Variants in ASCC3 observed in about 807,000 individuals in gnomAD.
ASCC3 encodes ASC-1 complex subunit P200.
ASCC3 carries 158 observed loss-of-function variants against 256.3 expected under a neutral mutation model. That is an observed-to-expected ratio of 0.62 (90% confidence interval 0.54 to 0.70). The LOEUF is 0.70. Ranked by LOEUF, ASCC3 falls within the 30% of genes least tolerant of loss-of-function variation. ASCC3 has a pLI of 0.00. For missense variants in ASCC3, 2,259 were observed against 2,626.0 expected (o/e 0.86, Z 3.05); for synonymous variants, 948 against 883.4 (o/e 1.07, Z -1.30).
intron 10 of ASCC3, among the ~76,000 whole-genome samples, chr6:100,742,829 G>A: frequency 6.6e-6 from 1 of 152,204 alleles, no homozygotes; most frequent in Non-Finnish European, 1.5e-5. Context: ...GTTGCCATTG[G>A]CTGGCTGGAA....
chr6:100,875,435 C>T (rs1484475169), intron 1 of ASCC3, among the ~76,000 whole-genome samples: 1 of 152,152 alleles, frequency 6.6e-6, no homozygotes, highest in African/African-American at 2.4e-5. Flanking sequence ...GGCTGGAAAT[C>T]CAGAATTTCA....
intron 36 of ASCC3, among the ~76,000 whole-genome samples, chr6:100,564,960 T>C (rs1278000742): frequency 2.6e-5 from 4 of 152,182 alleles, no homozygotes; most frequent in Non-Finnish European, 5.9e-5. Flanking sequence ...ACAAAAAGGC[T>C]TATTCTTGAA....
chr6:100,698,530 A>AATAC (rs1778193070), intron 13 of ASCC3, among the ~76,000 whole-genome samples: 1 of 152,260 alleles, frequency 6.6e-6, no homozygotes, highest in African/African-American at 2.4e-5. Flanking sequence ...CTAACTTAAA[A>AATAC]TAACTGGTGA....
chr6:100,684,593 G>A (rs1205505548), intron 13 of ASCC3, among the ~76,000 whole-genome samples: 1 of 151,888 alleles, frequency 6.6e-6, no homozygotes, highest in African/African-American at 2.4e-5. Context: ...AGATTAAACA[G>A]ACCAGTATAC....
intron 24 of ASCC3, among the ~76,000 whole-genome samples, chr6:100,639,935 C>T (rs538941211): frequency 1.3e-5 from 2 of 151,974 alleles, no homozygotes; most frequent in East Asian, 1.9e-4. Flanking sequence ...GCCAACATGG[C>T]AAAACCCCAT....
In ASCC3 at chr6:100,782,594, T is replaced by C. The variant is rs148406959; in HGVS notation, c.1396-15249A>G. Among the ~76,000 whole-genome samples, 7 of 152,322 alleles carry C rather than the reference T, an allele frequency of 4.6e-5. No individual in the cohort carries two copies. The East Asian group carries it at 1.2e-3, about 25-fold the overall frequency. The stretch of plus-strand genomic sequence containing the variant: ...ACTTACACATGTGCAAAATTGTGTA[T>C]GCATAAGATTATTTATCACAAATTA... On this transcript the variant is annotated intron_variant, in intron 8 of 41. Coordinates refer to ENST00000369162, the MANE Select transcript of ASCC3 (RefSeq NM_006828.4).
intron 36 of ASCC3, among the ~76,000 whole-genome samples, chr6:100,542,677 T>A (rs1775518648): frequency 6.7e-6 from 1 of 149,066 alleles, no homozygotes; most frequent in Non-Finnish European, 1.5e-5. Context: ...CAAGACTCCG[T>A]CAAAAAAAAA....
intron 16 of ASCC3, among the ~76,000 whole-genome samples, chr6:100,659,575 A>C (rs958805263): frequency 6.6e-6 from 1 of 151,458 alleles, no homozygotes; most frequent in African/African-American, 2.4e-5. Flanking sequence ...TACTTTATAA[A>C]TATTTGATAA....
rs546035612 is a variant in ASCC3 at position 100,849,050 on chromosome 6, G to A, written c.242-343C>T. On this transcript the variant is annotated intron_variant, in intron 3 of 41. Coordinates refer to ENST00000369162, the MANE Select transcript of ASCC3 (RefSeq NM_006828.4). ...GAGCCTGGAAGGTTGGGGCTGCAGC[G>A]AGCCATGATTGTGTCACTGTACTCA... is the stretch of plus-strand genomic sequence containing the variant. 5.3e-5 allele frequency among the ~76,000 whole-genome samples: 8 copies of A among 152,224 alleles called. No homozygotes were observed. In the East Asian group the frequency reaches 7.7e-4, roughly 15 times the overall value.
At chr6:100,767,107 T>C (rs1226964736) in intron 9 of ASCC3, 38 bp downstream of exon 9, 6 of 1,590,710 alleles carry the variant, frequency 3.8e-6, no homozygotes, top group Non-Finnish European at 5.2e-6. Flanking sequence ...TTTTATTCCT[T>C]ACAATTTAAA....
chr6:100,809,022 G>A (rs1770326041), intron 4 of ASCC3, among the ~76,000 whole-genome samples: 1 of 151,870 alleles, frequency 6.6e-6, no homozygotes, highest in Non-Finnish European at 1.5e-5. Context: ...ACTTGAAAGA[G>A]CACTTACTAT....
intron 36 of ASCC3, among the ~76,000 whole-genome samples, chr6:100,587,508 G>T (rs1771762107): frequency 6.6e-6 from 1 of 152,148 alleles, no homozygotes; most frequent in Admixed American, 6.5e-5. Context: ...GAGTCCTATG[G>T]TTCTTCATTC....
Position 100,565,176 on chromosome 6 carries a change from G to C in ASCC3, c.5550+24458C>G, listed in dbSNP as rs181976634. ...TTGAATCAACTGCATTTTTCCAGAT[G>C]AATATATGCCTAATAAAATGGCCAA... On this transcript the variant is annotated intron_variant, in intron 36 of 41. Coordinates refer to ENST00000369162, the MANE Select transcript of ASCC3 (RefSeq NM_006828.4). Among the ~76,000 whole-genome samples the C allele has an allele frequency of 8.5e-5, 13 of 152,246 alleles. No individual in the cohort carries two copies. In the East Asian group the frequency reaches 2.3e-3, roughly 27 times the overall value.
chr6:100,799,605 G>A (rs1390089983), intron 6 of ASCC3, 33 bp from the exon 7 acceptor site: 1 of 1,604,614 alleles, frequency 6.2e-7, no homozygotes, highest in Non-Finnish European at 8.5e-7. Flanking sequence ...AATTTGAAAT[G>A]TTTATCTTGA....
chr6:100,569,255 T>G (rs1442177315), intron 36 of ASCC3, among the ~76,000 whole-genome samples: 2 of 152,172 alleles, frequency 1.3e-5, no homozygotes, highest in Non-Finnish European at 2.9e-5. Context: ...TTTGTTGACT[T>G]TCTTGAAGAT....
At chr6:100,644,200 A>T in intron 22 of ASCC3, 71 bp from the exon 23 acceptor site, 1 of 1,006,298 alleles carries the variant, frequency 9.9e-7, no homozygotes, top group South Asian at 1.3e-5. Flanking sequence ...CAATCTTCTC[A>T]CTCTAGAAGC....
chr6:100,799,594 T>G (rs1769811453), intron 6 of ASCC3, 22 bp from the exon 7 acceptor site: 1 of 1,607,326 alleles, frequency 6.2e-7, no homozygotes, highest in Non-Finnish European at 8.5e-7. Context: ...AAAATAGGCC[T>G]AATTTGAAAT....
At chr6:100,662,160 G>A in intron 15 of ASCC3, 130 bp from the exon 16 acceptor site, 1 of 1,119,514 alleles carries the variant, frequency 8.9e-7, no homozygotes, top group Non-Finnish European at 1.3e-6. Flanking sequence ...TTCATCATCT[G>A]TGATAGAGTA....
At chr6:100,763,115 C>A (rs984002270) in intron 10 of ASCC3, among the ~76,000 whole-genome samples, 12 of 152,124 alleles carry the variant, frequency 7.9e-5, no homozygotes, top group African/African-American at 2.9e-4. Context: ...TATGTACTCC[C>A]ACATTCTTTA....
Sources: allele counts gnomAD v4.1 joint callset (sites outside exome capture counted in the v4.1 genomes callset), GRCh38; gene constraint gnomAD v4.1.1; transcripts MANE v1.5; gene names NCBI Gene and HGNC (gene_info 2026-07-23, HGNC 2026-07-21).